SNX29: variants seen among roughly 807,000 people sequenced by gnomAD.
SNX29 encodes the protein sorting nexin 29.
Under a neutral mutation model 102.1 loss-of-function variants are expected in SNX29, and 78 were observed. The observed-to-expected ratio is 0.76, with a 90% CI of 0.64 to 0.92. The LOEUF (loss-of-function observed/expected upper bound fraction) is 0.92, where lower values mean the gene tolerates loss of function less well. Ranked by LOEUF, SNX29 falls within the 40% of genes least tolerant of loss-of-function variation. The pLI, the probability that SNX29 is intolerant of heterozygous loss-of-function variation, is 0.00. For missense variants in SNX29, 1,280 were observed against 1,061.7 expected (o/e 1.21, Z -2.86); for synonymous variants, 580 against 414.5 (o/e 1.40, Z -4.85).
chr16:12,292,937 C>CGTTA (rs2079849222), intron 15 of SNX29, among the ~76,000 whole-genome samples: 1 of 152,140 alleles, frequency 6.6e-6, no homozygotes, highest in Non-Finnish European at 1.5e-5. Context: ...AGCTGAGGAA[C>CGTTA]TTTCTTATGT....
rs903623691 is a variant in SNX29 at position 12,570,721 on chromosome 16, G to C, written c.*2092G>C. 19 of 232,072 alleles carry C rather than the reference G, an allele frequency of 8.2e-5. No homozygotes were observed. The highest frequency in any genetic ancestry group is 6.1e-4 in the East Asian group (10 of 16,404). The allele number at this position is 232,072 out of a possible 1,614,324, so 14.4% of individuals were successfully genotyped here. A position where few individuals can be genotyped will look rare whatever the true frequency, so the allele number is the denominator to read the frequency against. The stretch of plus-strand genomic sequence containing the variant: ...CCCCCAAAGCACAGGATGTGAATTG[G>C]TCTCTCTCCAGATACCCCACGAGGA... On this transcript the variant is annotated 3_prime_UTR_variant, in exon 21 of 21. Transcript: ENST00000566228.
In SNX29 at chr16:12,443,297, A is replaced by G. The variant is rs543263627; in HGVS notation, c.2038-34422A>G. The G allele has an allele frequency of 5.0e-5, 10 of 201,836 alleles. No individual in the cohort carries two copies. The South Asian group carries it at 7.2e-4, about 15-fold the overall frequency. 12.5% of individuals were successfully genotyped at this position (201,836 alleles called of 1,614,324 possible). A position where few individuals can be genotyped will look rare whatever the true frequency, so the allele number is the denominator to read the frequency against. On this transcript the variant is annotated intron_variant, in intron 18 of 20. Transcript: ENST00000566228. ...CACGCTGTTCCTCCCTGACTACTCT[A>G]CCAACCCCTGGCCAAGGCAGCAGAG...
chr16:12,057,489 T>A (rs1207063957), intron 8 of SNX29, among the ~76,000 whole-genome samples: 1 of 152,132 alleles, frequency 6.6e-6, no homozygotes, highest in African/African-American at 2.4e-5. Flanking sequence ...GAAAGCAGTT[T>A]GACAAACTGG....
intron 15 of SNX29, among the ~76,000 whole-genome samples, chr16:12,316,295 G>A (rs971195284): frequency 6.6e-6 from 1 of 152,128 alleles, no homozygotes; most frequent in African/African-American, 2.4e-5. Flanking sequence ...GGCCAGGGTG[G>A]GTGGATCACA....
chr16:12,107,005 A>G (rs2053278687), intron 11 of SNX29, among the ~76,000 whole-genome samples: 2 of 151,948 alleles, frequency 1.3e-5, no homozygotes, highest in African/African-American at 4.8e-5. Context: ...TTTTGTAGAG[A>G]TGAGGTCTCA....
intron 11 of SNX29, among the ~76,000 whole-genome samples, chr16:12,116,746 A>C (rs1436694845): frequency 6.6e-6 from 1 of 152,048 alleles, no homozygotes; most frequent in Non-Finnish European, 1.5e-5. Flanking sequence ...TAGTCAATAC[A>C]TGCTTCAACA....
rs932465115 is a variant in SNX29 at position 12,573,341 on chromosome 16, G to C, written c.*4712G>C. Reference sequence around the variant, plus strand: ...GTACTCTGAATTATGTCATGGAGTAGACAGTTACTTCTAAATCCCAGCAAC... The same window carrying C: ...GTACTCTGAATTATGTCATGGAGTACACAGTTACTTCTAAATCCCAGCAAC... On this transcript the variant is annotated 3_prime_UTR_variant, in exon 21 of 21. Transcript: ENST00000566228. 7 of 225,534 alleles carry C rather than the reference G, an allele frequency of 3.1e-5. No individual in the cohort carries two copies. The highest frequency in any genetic ancestry group is 6.2e-5 in the Non-Finnish European group (7 of 113,344). The allele number at this position is 225,534 out of a possible 1,614,324, so 14.0% of individuals were successfully genotyped here. A position where few individuals can be genotyped will look rare whatever the true frequency, so the allele number is the denominator to read the frequency against.
At chr16:12,518,431 A>G (rs1389271352) in intron 19 of SNX29, among the ~76,000 whole-genome samples, 1 of 151,940 alleles carries the variant, frequency 6.6e-6, no homozygotes, top group Non-Finnish European at 1.5e-5. Flanking sequence ...TGTTCTTTCC[A>G]CTTGGCATGC....
In SNX29 at chr16:12,250,397, A is replaced by T. The variant is rs142152052; in HGVS notation, c.1679-27536A>T. On this transcript the variant is annotated intron_variant, in intron 14 of 20. Transcript: ENST00000566228. ...GAAGCCACAGGTGGGAGCCGGGCAG[A>T]GGGCCATTCGGCCTCATGTTGCAAT... Among the ~76,000 whole-genome samples the T allele has an allele frequency of 2.0e-3, 304 of 152,302 alleles. 3 individuals are homozygous for T. The highest frequency in any genetic ancestry group is 0.01 in the Middle Eastern group (3 of 294).
intron 14 of SNX29, among the ~76,000 whole-genome samples, chr16:12,247,299 A>G (rs1017844099): frequency 6.6e-6 from 1 of 152,206 alleles, no homozygotes; most frequent in African/African-American, 2.4e-5. Flanking sequence ...AAAGTGGACA[A>G]GACCAGGAGT....
intron 14 of SNX29, among the ~76,000 whole-genome samples, chr16:12,272,913 A>T (rs2150994063): frequency 6.6e-6 from 1 of 152,204 alleles, no homozygotes; most frequent in Non-Finnish European, 1.5e-5. Flanking sequence ...TGACTGCTCC[A>T]CCTCCAGAAA....
At chr16:12,422,662 T>C (rs2084917530) in intron 18 of SNX29, among the ~76,000 whole-genome samples, 1 of 152,136 alleles carries the variant, frequency 6.6e-6, no homozygotes, top group African/African-American at 2.4e-5. Context: ...TGTCCCATGC[T>C]CTCAAGGTTA....
chr16:12,005,700 A>C (rs975346905), intron 3 of SNX29, among the ~76,000 whole-genome samples: 1 of 152,210 alleles, frequency 6.6e-6, no homozygotes, highest in Non-Finnish European at 1.5e-5. Flanking sequence ...AGTATCCCTC[A>C]TCCAAAAACC....
chr16:11,997,742 G>GT (rs2056138357), intron 1 of SNX29, among the ~76,000 whole-genome samples: 4 of 152,140 alleles, frequency 2.6e-5, no homozygotes, highest in African/African-American at 9.7e-5. Flanking sequence ...GCCTTCCAAA[G>GT]TGCTGGGATT....
At chr16:12,063,793 T>C (rs1021184016) in intron 9 of SNX29, among the ~76,000 whole-genome samples, 1 of 150,550 alleles carries the variant, frequency 6.6e-6, no homozygotes, top group African/African-American at 2.4e-5. Context: ...TCAGTTGAGG[T>C]CCCCTAAAAG....
At chr16:12,028,803 C>T (rs1377714779) in intron 4 of SNX29, among the ~76,000 whole-genome samples, 1 of 152,122 alleles carries the variant, frequency 6.6e-6, no homozygotes, top group East Asian at 1.9e-4. Context: ...GGCTGGAGTG[C>T]AATGGCACCG....
intron 11 of SNX29, among the ~76,000 whole-genome samples, chr16:12,123,205 G>C (rs2054052952): frequency 6.6e-6 from 1 of 152,122 alleles, no homozygotes. Flanking sequence ...ATGTATCTCT[G>C]TATTTCGTTA....
intron 17 of SNX29, among the ~76,000 whole-genome samples, chr16:12,400,286 G>T (rs1357321868): frequency 3.3e-5 from 5 of 152,204 alleles, no homozygotes; most frequent in Non-Finnish European, 5.9e-5. Context: ...TGGCAGTTCC[G>T]CTCCTCTAAC....
intron 20 of SNX29, among the ~76,000 whole-genome samples, chr16:12,548,105 G>A (rs530975671): frequency 6.6e-6 from 1 of 152,330 alleles, no homozygotes; most frequent in South Asian, 2.1e-4. Flanking sequence ...GGGACATTGA[G>A]GTCTATTTCT....
Sources: allele counts gnomAD v4.1 joint callset (sites outside exome capture counted in the v4.1 genomes callset), GRCh38; gene constraint gnomAD v4.1.1; transcripts MANE v1.5; gene names NCBI Gene and HGNC (gene_info 2026-07-23, HGNC 2026-07-21).